RAP1GAP2: variants seen among roughly 807,000 people sequenced by gnomAD.
RAP1GAP2 encodes the protein RAP1 GTPase activating protein 2.
RAP1GAP2 carries 27 observed loss-of-function variants against 95.0 expected under a neutral mutation model. The observed-to-expected ratio is 0.28, with a 90% CI of 0.21 to 0.39. The LOEUF is 0.39. Among genes scored for constraint, RAP1GAP2 ranks in the 10% least tolerant of loss-of-function variants. The pLI is 1.00. For synonymous variants in RAP1GAP2, 373 were observed against 380.9 expected (o/e 0.98, Z 0.24); for missense variants, 771 against 970.0 (o/e 0.79, Z 2.72).
intron 3 of RAP1GAP2, among the ~76,000 whole-genome samples, chr17:2,944,180 A>AC (rs1462970333): frequency 1.3e-5 from 2 of 151,752 alleles, no homozygotes; most frequent in Non-Finnish European, 2.9e-5. Context: ...AAAAAAAAAA[A>AC]AAACCAAACC....
chr17:2,957,816 G>T (rs1251064055), intron 4 of RAP1GAP2, 22 bp downstream of exon 4: 2 of 1,571,214 alleles, frequency 1.3e-6, no homozygotes, highest in African/African-American at 2.7e-5. Context: ...CCCCCACCGT[G>T]GCGGGGAAGA....
At chr17:2,916,504 G>C (rs1418753351) in intron 3 of RAP1GAP2, among the ~76,000 whole-genome samples, 1 of 152,218 alleles carries the variant, frequency 6.6e-6, no homozygotes, top group African/African-American at 2.4e-5. Context: ...GCAGAGCCAG[G>C]ATGTGGGCTC....
At position 3,004,211 on chromosome 17, in the gene RAP1GAP2, A is replaced by ACGTC. The variant is rs1267946661; in HGVS notation, c.1201-1157_1201-1154dup. Among the ~76,000 whole-genome samples, 1 of 152,154 alleles carries ACGTC rather than the reference A, an allele frequency of 6.6e-6. No individual in the cohort carries two copies. The highest frequency in any genetic ancestry group is 1.5e-5 in the Non-Finnish European group (1 of 68,038). ...AGCTGCTGGAGCCCAGCCAGAAATC[A>ACGTC]CGTCAGCCGAACGCGCACCATTTCC... On this transcript the variant is annotated intron_variant, in intron 14 of 24. Transcript: ENST00000254695. This position sits in a 1 kb window ranked among gnomAD's most constrained non-coding sequence, Gnocchi z 4.1.
At chr17:2,980,986 C>G (rs1438732784) in intron 9 of RAP1GAP2, among the ~76,000 whole-genome samples, 1 of 152,148 alleles carries the variant, frequency 6.6e-6, no homozygotes, top group Non-Finnish European at 1.5e-5. Context: ...CAGGCTTTGT[C>G]TAATCCCTTC....
intron 3 of RAP1GAP2, among the ~76,000 whole-genome samples, chr17:2,949,178 C>T (rs73296619): frequency 0.012 from 1,890 of 152,234 alleles, 31 homozygotes; most frequent in African/African-American, 0.043. Flanking sequence ...TGGCTGTGAA[C>T]GCAGAGTCCA....
At chr17:2,991,497 A>T in intron 12 of RAP1GAP2, 100 bp downstream of exon 12, 2 of 891,362 alleles carry the variant, frequency 2.2e-6, no homozygotes, top group Non-Finnish European at 1.8e-6. Context: ...AGTTAAAAAC[A>T]CACAAGAAAT....
chr17:2,806,397 A>ATTG (rs1027501292), intron 2 of RAP1GAP2, among the ~76,000 whole-genome samples: 3 of 148,238 alleles, frequency 2.0e-5, no homozygotes, highest in Non-Finnish European at 4.5e-5. Context: ...TATTATTATT[A>ATTG]TTATTATTAT....
At chr17:2,847,537 G>C (rs963288427) in intron 2 of RAP1GAP2, among the ~76,000 whole-genome samples, 1 of 152,174 alleles carries the variant, frequency 6.6e-6, no homozygotes, top group Non-Finnish European at 1.5e-5. Flanking sequence ...ACATGTATAA[G>C]AAACCACTCT....
intron 2 of RAP1GAP2, among the ~76,000 whole-genome samples, chr17:2,890,437 C>T (rs536080550): frequency 6.6e-6 from 1 of 152,058 alleles, no homozygotes; most frequent in Non-Finnish European, 1.5e-5. Context: ...AGTCTTAGAG[C>T]GGAGTGGAGC....
chr17:2,905,406 G>A (rs746147742), intron 3 of RAP1GAP2, 38 bp downstream of exon 3: 20 of 1,598,712 alleles, frequency 1.3e-5, no homozygotes, highest in Non-Finnish European at 1.7e-5. Flanking sequence ...GGAGGGGAGA[G>A]TGTGGGGAAG....
chr17:2,968,046 A>T (rs1221018330), intron 8 of RAP1GAP2, among the ~76,000 whole-genome samples: 2 of 152,238 alleles, frequency 1.3e-5, no homozygotes, highest in Non-Finnish European at 2.9e-5. Context: ...GCCTCTAAAA[A>T]AGCATAAACT....
chr17:2,815,399 G>A (rs2069965280), intron 2 of RAP1GAP2, among the ~76,000 whole-genome samples: 4 of 151,842 alleles, frequency 2.6e-5, no homozygotes, highest in African/African-American at 4.8e-5. Flanking sequence ...AGGTGAAATG[G>A]GAACAGAGTG....
At chr17:2,800,866 T>C (rs1308731764) in intron 2 of RAP1GAP2, among the ~76,000 whole-genome samples, 2 of 145,500 alleles carry the variant, frequency 1.4e-5, no homozygotes, top group Non-Finnish European at 3.0e-5. Flanking sequence ...TTTTTTTTTT[T>C]TTGAGACGGA....
chr17:2,996,088 T>G (rs928581678), intron 13 of RAP1GAP2, among the ~76,000 whole-genome samples: 2 of 152,060 alleles, frequency 1.3e-5, no homozygotes, highest in Admixed American at 1.3e-4. Flanking sequence ...GGTCATTTTG[T>G]CCCCCTTCCT....
intron 3 of RAP1GAP2, among the ~76,000 whole-genome samples, chr17:2,924,593 A>T (rs945149968): frequency 8.6e-5 from 13 of 150,610 alleles, no homozygotes; most frequent in African/African-American, 3.2e-4. Context: ...TGGAGGAGAG[A>T]GGCCAGTGGC....
intron 1 of RAP1GAP2, among the ~76,000 whole-genome samples, chr17:2,784,100 GT>G (rs2068718115): frequency 6.7e-6 from 1 of 150,006 alleles, no homozygotes; most frequent in African/African-American, 2.5e-5. Context: ...AGCCTCCCAA[GT>G]AGCTGAGACT....
intron 19 of RAP1GAP2, among the ~76,000 whole-genome samples, chr17:3,023,897 C>T (rs1177493153): frequency 1.3e-5 from 2 of 151,918 alleles, no homozygotes; most frequent in South Asian, 2.1e-4. Flanking sequence ...TGAGCGAGAA[C>T]ATGTGGTGTT....
chr17:2,787,651 T>C (rs892457544), intron 1 of RAP1GAP2, among the ~76,000 whole-genome samples: 2 of 152,258 alleles, frequency 1.3e-5, no homozygotes, highest in East Asian at 3.9e-4. Context: ...CACTGCAAGC[T>C]GCCTCTCCCA....
At position 3,032,259 on chromosome 17, in the gene RAP1GAP2, T is replaced by C. The variant is rs549119486; in HGVS notation, c.2185-152T>C. Among the ~76,000 whole-genome samples the C allele has an allele frequency of 4.6e-4, 69 of 151,400 alleles. 1 individual carries two copies. Among genetic ancestry groups the C allele is most frequent in the African/African-American group, 7.0e-4 (29 of 41,168 alleles). Reference sequence around the variant, plus strand: ...TCGCCAGACTATCGAGAACTCCAGGTCCAGATGTGAGGTGGGAAGTGCTTG... The same window carrying C: ...TCGCCAGACTATCGAGAACTCCAGGCCCAGATGTGAGGTGGGAAGTGCTTG... On this transcript the variant is annotated intron_variant, in intron 23 of 24. Transcript: ENST00000254695.
Sources: gnomAD v4.1 joint callset for allele counts (sites outside exome capture counted in the v4.1 genomes callset) on GRCh38, gnomAD v4.1.1 for gene constraint, Gnocchi (gnomAD v3.1) non-coding constraint, MANE v1.5 for transcripts, NCBI Gene and HGNC (gene_info 2026-07-23, HGNC 2026-07-21) for gene names.